The following COL27A1 variants were observed in gnomAD, a reference collection of about 807,000 sequenced individuals.
COL27A1 encodes collagen type XXVII alpha 1 chain, also known as collagen alpha-1(XXVII) chain.
A neutral mutation model predicts 251.3 loss-of-function variants in COL27A1; 106 were observed. The ratio of observed to expected loss-of-function variants is 0.42; its 90% confidence interval spans 0.36 to 0.50. The LOEUF (loss-of-function observed/expected upper bound fraction) is 0.50, where lower values mean the gene tolerates loss of function less well. Among genes scored for constraint, COL27A1 ranks in the 20% least tolerant of loss-of-function variants. The pLI is 0.00. For missense variants in COL27A1, 2,325 were observed against 2,522.8 expected, an observed-to-expected ratio of 0.92 and a Z score of 1.68; for synonymous variants, 1,000 against 986.3, an observed-to-expected ratio of 1.01 and a Z score of -0.26.
Position 114,169,190 on chromosome 9 carries a change from C to G in COL27A1, c.1635C>G (p.Ala545=), listed in dbSNP as rs552089615. Residue 545 remains alanine (A), a synonymous_variant, in exon 3 of 61, where the codon GCC becomes GCG. Coordinates refer to ENST00000356083, the MANE Select transcript of COL27A1 (RefSeq NM_032888.4). ...TTGGATCGGAAGCCTCAAAGAAAGCCGGACCCAAGAGCAGCCCCCGGAAGC... is the reference window on the plus strand; with the variant it reads ...TTGGATCGGAAGCCTCAAAGAAAGCGGGACCCAAGAGCAGCCCCCGGAAGC... ...KPIGSEASKK[A]GPKSSPRKPV... 1.9e-6 allele frequency: 3 copies of G among 1,614,078 alleles called. No individual in the cohort carries two copies. The highest frequency in any genetic ancestry group is 2.5e-6 in the Non-Finnish European group (3 of 1,180,018).
chr9:114,269,835 C>T (rs1835014326), intron 35 of COL27A1, among the ~76,000 whole-genome samples: 1 of 152,124 alleles, frequency 6.6e-6, no homozygotes, highest in South Asian at 2.1e-4. Flanking sequence ...GGAGCATGGA[C>T]CACCCAACTG....
At chr9:114,237,590 G>A (rs1056964471) in intron 18 of COL27A1, 72 bp from the exon 19 acceptor site, 26 of 1,257,994 alleles carry the variant, frequency 2.1e-5, no homozygotes, top group Middle Eastern at 3.7e-4. Flanking sequence ...CACAACCAGC[G>A]GGGGAACGCA....
intron 16 of COL27A1, among the ~76,000 whole-genome samples, chr9:114,232,464 C>T (rs1180167567): frequency 3.3e-5 from 5 of 152,208 alleles, no homozygotes; most frequent in Admixed American, 6.5e-5. Flanking sequence ...CATCTGAATA[C>T]GAGAGACACA....
intron 33 of COL27A1, among the ~76,000 whole-genome samples, 170 bp downstream of exon 33, chr9:114,266,788 T>C (rs952343542): frequency 6.6e-6 from 1 of 152,118 alleles, no homozygotes. Flanking sequence ...AGAGGGTAGA[T>C]CCATCCTGGT....
At chr9:114,281,037 A>G (rs982727359) in intron 37 of COL27A1, among the ~76,000 whole-genome samples, 1 of 152,148 alleles carries the variant, frequency 6.6e-6, no homozygotes, top group Non-Finnish European at 1.5e-5. Flanking sequence ...CTTCTATCAC[A>G]ATTAGTCAGT....
At chr9:114,281,501 G>A (rs1183642258) in intron 37 of COL27A1, among the ~76,000 whole-genome samples, 2 of 152,226 alleles carry the variant, frequency 1.3e-5, no homozygotes, top group East Asian at 3.9e-4. Flanking sequence ...ATGGCCTGGG[G>A]ACTCCAAGGA....
At chr9:114,289,316 G>T (rs1827746852) in intron 45 of COL27A1, 21 bp downstream of exon 45, 1 of 1,563,036 alleles carries the variant, frequency 6.4e-7, no homozygotes, top group Admixed American at 2.1e-5. Context: ...CGGGGGTTCA[G>T]CAGGGAGACT....
At chr9:114,230,159 G>C (rs989975721) in intron 14 of COL27A1, among the ~76,000 whole-genome samples, 1 of 152,140 alleles carries the variant, frequency 6.6e-6, no homozygotes, top group Non-Finnish European at 1.5e-5. Context: ...AGGAGAGTGG[G>C]ATCCAGTGGT....
chr9:114,309,187 A>G (rs1588910500), intron 59 of COL27A1, 73 bp from the exon 60 acceptor site: 1 of 1,225,338 alleles, frequency 8.2e-7, no homozygotes, highest in East Asian at 2.3e-5. Context: ...CCCTCCATAG[A>G]GAGGCAGGGA....
At position 114,168,756 on chromosome 9, in the gene COL27A1, C is replaced by T. The variant is rs1157333385; in HGVS notation, c.1201C>T (p.Leu401=). 6.2e-7 allele frequency: 1 copy of T among 1,614,012 alleles called. No homozygotes were observed. Among genetic ancestry groups the T allele is most frequent in the Admixed American group, 1.7e-5 (1 of 60,016 alleles). Reference sequence around the variant, plus strand: ...TCCATCTTCATTTACAAAGTCAGCCCTACCCACTCAGAAGCAAGTGCCACC... The same window carrying T: ...TCCATCTTCATTTACAAAGTCAGCCTTACCCACTCAGAAGCAAGTGCCACC... ...TAPSSFTKSA[L]PTQKQVPPTS... The change falls in exon 3 of 61, where the codon CTA becomes TTA. Residue 401 remains leucine, a synonymous_variant. Coordinates refer to ENST00000356083, the MANE Select transcript of COL27A1 (RefSeq NM_032888.4).
At position 114,168,601 on chromosome 9, in the gene COL27A1, G is replaced by A. The variant is rs1003403359; in HGVS notation, c.1046G>A (p.Arg349His). Residue 349 changes from arginine to histidine, a missense_variant, in exon 3 of 61, where the codon CGC becomes CAC. By Grantham distance (29) the Arg-to-His change is conservative. Transcript: ENST00000356083. ...ASVGGSTRTP[R>H]PAAAQPSQKI... is the part of the protein sequence containing the mutation. ...GTTGGCGGCTCTACCAGAACGCCTCGCCCTGCGGCCGCTCAACCATCACAG... is the reference window on the plus strand; with the variant it reads ...GTTGGCGGCTCTACCAGAACGCCTCACCCTGCGGCCGCTCAACCATCACAG... 1.5e-5 allele frequency: 24 copies of A among 1,614,052 alleles called. No homozygotes were observed. The highest frequency in any genetic ancestry group is 1.6e-4 in the Middle Eastern group (1 of 6,062).
At chr9:114,162,569 C>T (rs967299823) in intron 1 of COL27A1, 146 bp from the exon 2 acceptor site, 1 of 657,902 alleles carries the variant, frequency 1.5e-6, no homozygotes, top group Admixed American at 2.4e-5. Flanking sequence ...CTGATGGGGT[C>T]CTAGAGCCTG....
intron 40 of COL27A1, among the ~76,000 whole-genome samples, chr9:114,284,516 G>A (rs1479534589): frequency 6.6e-6 from 1 of 152,204 alleles, no homozygotes; most frequent in African/African-American, 2.4e-5. Context: ...CATCCCAGCT[G>A]GAACACCCCT....
At chr9:114,264,200 C>T (rs2135589931) in intron 28 of COL27A1, among the ~76,000 whole-genome samples, 155 bp from the exon 29 acceptor site, 1 of 152,320 alleles carries the variant, frequency 6.6e-6, no homozygotes, top group South Asian at 2.1e-4. Context: ...ACGAGGGTGA[C>T]CACCTCAGTG....
In COL27A1 at chr9:114,230,747, T is replaced by C. The variant is rs539568171; in HGVS notation, c.2467-332T>C. Among the ~76,000 whole-genome samples, 3 of 152,180 alleles carry C rather than the reference T, an allele frequency of 2.0e-5. No homozygotes were observed. The East Asian group carries it at 5.8e-4, about 29-fold the overall frequency. On this transcript the variant is annotated intron_variant, in intron 14 of 60. Coordinates refer to ENST00000356083, the MANE Select transcript of COL27A1 (RefSeq NM_032888.4). ...CGGGGGGACAGATAGAGAGAAAGCA[T>C]GAGGGTCCAAAATAGTCAAATGAAA...
chr9:114,300,940 C>T (rs1442939464), intron 51 of COL27A1, 132 bp from the exon 52 acceptor site: 5 of 911,368 alleles, frequency 5.5e-6, no homozygotes, highest in Non-Finnish European at 8.4e-6. Context: ...TCAGGAGATG[C>T]ATGGCCTGGG....
chr9:114,237,292 T>C (rs561967972), intron 18 of COL27A1, among the ~76,000 whole-genome samples: 1 of 152,370 alleles, frequency 6.6e-6, no homozygotes, highest in East Asian at 1.9e-4. Context: ...TCCTGATGCC[T>C]TGTAAACAAT....
intron 1 of COL27A1, among the ~76,000 whole-genome samples, chr9:114,158,247 T>C (rs770584061): frequency 5.3e-5 from 8 of 152,188 alleles, no homozygotes; most frequent in Non-Finnish European, 1.0e-4. Context: ...TGTGTTTCTG[T>C]GGCCTGGGTC....
intron 29 of COL27A1, 75 bp downstream of exon 29, chr9:114,264,483 C>T: frequency 8.3e-7 from 1 of 1,210,420 alleles, no homozygotes; most frequent in Non-Finnish European, 1.1e-6. Context: ...GCTCACAGCT[C>T]CTCAGAACAA....
Sources: allele counts gnomAD v4.1 joint callset (sites outside exome capture counted in the v4.1 genomes callset), GRCh38; gene constraint gnomAD v4.1.1; transcripts MANE v1.5; gene names NCBI Gene and HGNC (gene_info 2026-07-23, HGNC 2026-07-21).